Variants in ANKRD24 observed in about 807,000 individuals in gnomAD.
ANKRD24 encodes the protein ankyrin repeat domain 24.
Under a neutral mutation model 127.8 loss-of-function variants are expected in ANKRD24, and 109 were observed. That is an observed-to-expected ratio of 0.85 (90% CI 0.73 to 1.00). ANKRD24 has a LOEUF of 1.00. ANKRD24 is among the 50% of genes least tolerant of loss of function. The pLI, the probability that ANKRD24 is intolerant of heterozygous loss-of-function variation, is 0.00. For synonymous variants in ANKRD24, 743 were observed against 671.1 expected (o/e 1.11, Z -1.66); for missense variants, 1,648 against 1,570.2 (o/e 1.05, Z -0.84).
At position 4,194,444 on chromosome 19, in the gene ANKRD24, C is replaced by T. The variant is rs115362811; in HGVS notation, c.37-5239C>T. ...CTGAGATTGTAGGCGTGAACCACCG[C>T]ACCTAGCCAGAAATGTGAATTTCAT... On this transcript the variant is annotated intron_variant, in intron 2 of 21. Transcript: ENST00000318934. 1.2e-3 allele frequency among the ~76,000 whole-genome samples: 181 copies of T among 152,302 alleles called. 1 individual carries two copies. The highest frequency in any genetic ancestry group is 4.2e-3 in the African/African-American group (174 of 41,572).
At chr19:4,203,900 C>T (rs1480020480) in intron 7 of ANKRD24, among the ~76,000 whole-genome samples, 1 of 151,508 alleles carries the variant, frequency 6.6e-6, no homozygotes, top group African/African-American at 2.4e-5. Context: ...ATCTGCCCGC[C>T]TCGGCCTCCC....
In ANKRD24 at chr19:4,214,109, C is replaced by T. The variant is rs118121946; in HGVS notation, c.1197+1411C>T. 8.9e-4 allele frequency among the ~76,000 whole-genome samples: 136 copies of T among 152,300 alleles called. No individual in the cohort carries two copies. The East Asian group carries it at 0.017, about 19-fold the overall frequency. ...ACACACGCATGCATTGCACGTGCAC[C>T]CGTCTTGTGCAGTCACACACAGACA... On this transcript the variant is annotated intron_variant, in intron 15 of 21. Transcript: ENST00000318934.
Position 4,199,767 on chromosome 19 carries a change from C to T in ANKRD24, c.121C>T (p.Gln41Ter), listed in dbSNP as rs1342977464. The T allele has an allele frequency of 6.5e-7, 1 of 1,536,960 alleles. No individual in the cohort carries two copies. Among genetic ancestry groups the T allele is most frequent in the Non-Finnish European group, 8.7e-7 (1 of 1,143,808 alleles). The change falls in exon 3 of 22, where the codon CAG becomes TAG. Residue 41 changes from glutamine (Q) to a stop codon, truncating the protein, a stop_gained and splice_region_variant. Coordinates refer to ENST00000318934, the MANE Select transcript of ANKRD24 (RefSeq NM_001393985.1). LOFTEE classifies it high-confidence loss of function. The surrounding 1 kb of genome is among the most constrained non-coding windows in gnomAD (Gnocchi z 5.2). ...IPKPAARGRR[Q>*]SQDWGKSDER... ...GAAGCCGGCAGCCAGAGGCAGGCGC[C>T]AGGCAAGTGCCCAGGGGCAGGTGGT... is the stretch of plus-strand genomic sequence containing the variant.
intron 16 of ANKRD24, 109 bp from the exon 17 acceptor site, chr19:4,216,175 T>C: frequency 7.1e-7 from 1 of 1,400,206 alleles, no homozygotes; most frequent in Non-Finnish European, 9.8e-7. Flanking sequence ...TTTTTTAAAT[T>C]CTGCTTGGCT....
intron 2 of ANKRD24, among the ~76,000 whole-genome samples, chr19:4,186,707 C>T (rs1350943660): frequency 6.6e-6 from 1 of 152,124 alleles, no homozygotes; most frequent in Non-Finnish European, 1.5e-5. Context: ...TCAGACCCTC[C>T]TAATTCCTCA....
chr19:4,222,800 G>T lies in ANKRD24; in HGVS notation c.3297+5G>T. 1 of 1,601,090 alleles carries T rather than the reference G, an allele frequency of 6.2e-7. No homozygotes were observed. The highest frequency in any genetic ancestry group is 8.5e-7 in the Non-Finnish European group (1 of 1,170,678). Reference sequence around the variant, plus strand: ...GATTTACAGCAGCAGCTGCAGGTAAGGACTGGGCCACGCAGGGGCCAGGGG... The same window carrying T: ...GATTTACAGCAGCAGCTGCAGGTAATGACTGGGCCACGCAGGGGCCAGGGG... On this transcript the variant is annotated splice_donor_5th_base_variant and intron_variant, in intron 20 of 21. Coordinates refer to ENST00000318934, the MANE Select transcript of ANKRD24 (RefSeq NM_001393985.1).
intron 8 of ANKRD24, 32 bp downstream of exon 8, chr19:4,207,344 T>G (rs371550218): frequency 1.9e-6 from 3 of 1,608,472 alleles, no homozygotes; most frequent in Non-Finnish European, 2.6e-6. Context: ...AGGGAAGATG[T>G]TATGCTTGAG....
intron 15 of ANKRD24, among the ~76,000 whole-genome samples, chr19:4,213,259 TTTCCTTTCCTTCC>T (rs1390531158): frequency 1.1e-5 from 1 of 90,870 alleles, no homozygotes; most frequent in Non-Finnish European, 2.2e-5. Flanking sequence ...CCTTTCCTTC[TTTCCTTTCCTTCC>T]TTCCTTCCCT....
At chr19:4,223,388 TATATATATATA>T (rs1304366877) in intron 20 of ANKRD24, among the ~76,000 whole-genome samples, 31 of 86,308 alleles carry the variant, frequency 3.6e-4, no homozygotes, top group African/African-American at 1.8e-3. Flanking sequence ...TATATATATA[TATATATATATA>T]TATTTTTTTT....
chr19:4,186,994 C>T (rs534127170), intron 2 of ANKRD24, among the ~76,000 whole-genome samples: 51 of 152,146 alleles, frequency 3.4e-4, no homozygotes, highest in Admixed American at 2.4e-3. Flanking sequence ...TATTTTGTGT[C>T]GCAAAGACAG....
At chr19:4,184,448 A>ACATGCACTCGTTCACCCACG in intron 1 of ANKRD24, among the ~76,000 whole-genome samples, 1 of 152,172 alleles carries the variant, frequency 6.6e-6, no homozygotes, top group African/African-American at 2.4e-5. Context: ...CCTGACACAC[A>ACATGCACTCGTTCACCCACG]CATGCACTCG....
intron 1 of ANKRD24, among the ~76,000 whole-genome samples, chr19:4,184,467 C>T (rs1005216745): frequency 1.1e-4 from 17 of 152,240 alleles, no homozygotes; most frequent in Admixed American, 3.9e-4. Context: ...CGTTCACCCA[C>T]GCACTTCCCA....
chr19:4,223,067 T>G (rs892987729), intron 20 of ANKRD24, among the ~76,000 whole-genome samples: 3 of 151,730 alleles, frequency 2.0e-5, no homozygotes, highest in Admixed American at 2.0e-4. Flanking sequence ...TGCCTTAGCG[T>G]CCTGCGTAGC....
intron 19 of ANKRD24, among the ~76,000 whole-genome samples, chr19:4,219,961 T>C (rs1039666971): frequency 6.6e-6 from 1 of 152,208 alleles, no homozygotes; most frequent in Non-Finnish European, 1.5e-5. Flanking sequence ...AGGTACCAAT[T>C]ATAACCACAG....
intron 2 of ANKRD24, among the ~76,000 whole-genome samples, chr19:4,196,564 G>A (rs575310528): frequency 2.0e-5 from 3 of 152,210 alleles, no homozygotes; most frequent in Admixed American, 1.3e-4. Flanking sequence ...TAGTAGAGAC[G>A]AAGTTTCACT....
chr19:4,186,349 A>G (rs1392753809), intron 1 of ANKRD24, 41 bp from the exon 2 acceptor site: 2 of 1,551,362 alleles, frequency 1.3e-6, no homozygotes, highest in African/African-American at 2.7e-5. Context: ...GCCCACCAGG[A>G]CTGGTGTCCC....
chr19:4,207,862 C>G lies in ANKRD24; in HGVS notation c.726C>G (p.Ile242Met), dbSNP rs1969483070. Residue 242 changes from isoleucine (I) to methionine (M), a missense_variant, in exon 10 of 22, where the codon ATC becomes ATG. Ile to Met is a conservative substitution (Grantham distance 10, BLOSUM62 1). Transcript: ENST00000318934. ...TGCAGGGCGGAGCCCAGCCGGGCAT[C>G]ACCGATGCGCTGGGGCAGGACGCGG... ...VLLQGGAQPG[I>M]TDALGQDAAH... 1.9e-6 allele frequency: 3 copies of G among 1,560,840 alleles called. No individual in the cohort carries two copies. Among genetic ancestry groups the G allele is most frequent in the Non-Finnish European group, 2.6e-6 (3 of 1,155,178 alleles).
intron 1 of ANKRD24, chr19:4,186,178 A>G: frequency 8.7e-7 from 1 of 1,145,208 alleles, no homozygotes; most frequent in Non-Finnish European, 1.2e-6. Flanking sequence ...CATTTCTGTC[A>G]CTGTATAGAT....
chr19:4,210,691 G>A (rs1455072882), intron 13 of ANKRD24, among the ~76,000 whole-genome samples: 1 of 149,876 alleles, frequency 6.7e-6, no homozygotes, highest in Non-Finnish European at 1.5e-5. Context: ...ACTTTATGCA[G>A]TAGGCTCCTC....
Sources: gnomAD v4.1 joint callset for allele counts (sites outside exome capture counted in the v4.1 genomes callset) on GRCh38, gnomAD v4.1.1 for gene constraint, Gnocchi (gnomAD v3.1) non-coding constraint, MANE v1.5 for transcripts, NCBI Gene and HGNC (gene_info 2026-07-23, HGNC 2026-07-21) for gene names.